The following TMTC2 variants were observed in gnomAD, a reference collection of about 807,000 sequenced individuals.
The protein encoded by TMTC2 is transmembrane O-mannosyltransferase targeting cadherins 2.
A neutral mutation model predicts 82.4 loss-of-function variants in TMTC2; 43 were observed. The observed-to-expected ratio is 0.52, with a 90% CI of 0.41 to 0.67. TMTC2 has a LOEUF of 0.67. Ranked by LOEUF, TMTC2 falls within the 30% of genes least tolerant of loss-of-function variation. The pLI is 0.00. For synonymous variants in TMTC2, 408 were observed against 381.9 expected, an observed-to-expected ratio of 1.07 and a Z score of -0.80; for missense variants, 919 against 1,012.4, an observed-to-expected ratio of 0.91 and a Z score of 1.25.
chr12:82,826,817 C>T (rs1187338071), intron 1 of TMTC2, among the ~76,000 whole-genome samples: 1 of 152,180 alleles, frequency 6.6e-6, no homozygotes, highest in Non-Finnish European at 1.5e-5. Context: ...CTGTGAGAAC[C>T]TTTCCAGCCC....
intron 4 of TMTC2, among the ~76,000 whole-genome samples, chr12:82,943,589 A>G (rs973942849): frequency 1.3e-5 from 2 of 152,174 alleles, no homozygotes; most frequent in Non-Finnish European, 1.5e-5. Context: ...TTTAGCTCTC[A>G]AGGTGAAATT....
chr12:83,059,887 A>C (rs1248119836), intron 10 of TMTC2, among the ~76,000 whole-genome samples: 3 of 151,790 alleles, frequency 2.0e-5, no homozygotes, highest in Non-Finnish European at 4.4e-5. Flanking sequence ...ACTTCAAAGT[A>C]ACTGACTTCT....
At chr12:83,093,486 A>G (rs149571058) in intron 11 of TMTC2, among the ~76,000 whole-genome samples, 21 of 152,276 alleles carry the variant, frequency 1.4e-4, no homozygotes, top group Non-Finnish European at 2.5e-4. Flanking sequence ...TGTACAAAAT[A>G]GGCAATAAAA....
In TMTC2 at chr12:82,991,485, C is replaced by G. The variant is rs372080495; in HGVS notation, c.2070+5439C>G. ...TAAGACTTCAGTTTTAGGCTACTGACAATTTTATATCCTACATTATACTTC... is the reference window on the plus strand; with the variant it reads ...TAAGACTTCAGTTTTAGGCTACTGAGAATTTTATATCCTACATTATACTTC... On this transcript the variant is annotated intron_variant, in intron 8 of 11. Transcript: ENST00000321196. 3.9e-4 allele frequency among the ~76,000 whole-genome samples: 59 copies of G among 152,266 alleles called. 1 individual carries two copies. In the South Asian group the frequency reaches 0.012, roughly 32 times the overall value.
chr12:83,120,478 G>T (rs1418945319), intron 11 of TMTC2, among the ~76,000 whole-genome samples: 1 of 152,158 alleles, frequency 6.6e-6, no homozygotes, highest in East Asian at 1.9e-4. Context: ...TAAAGCTAGG[G>T]CCCCAAGCCC....
chr12:83,021,121 G>A (rs11115527), intron 8 of TMTC2, among the ~76,000 whole-genome samples: 135,751 of 152,234 alleles, frequency 0.89, 60,547 homozygotes, highest in South Asian at 0.96. Context: ...AAATGTAAGT[G>A]GGTAAGTTTT....
chr12:82,960,678 A>G (rs1438748106), intron 4 of TMTC2, among the ~76,000 whole-genome samples: 2 of 151,914 alleles, frequency 1.3e-5, no homozygotes, highest in Non-Finnish European at 2.9e-5. Flanking sequence ...AAAATTAACT[A>G]AGTGGTACTA....
chr12:82,840,912 C>T (rs1288480331), intron 1 of TMTC2, among the ~76,000 whole-genome samples: 1 of 151,914 alleles, frequency 6.6e-6, no homozygotes, highest in Admixed American at 6.6e-5. Flanking sequence ...CCTGAGTAGC[C>T]GGGATTACAG....
chr12:82,964,417 G>T (rs190349841), intron 4 of TMTC2, among the ~76,000 whole-genome samples: 195 of 152,186 alleles, frequency 1.3e-3, no homozygotes, highest in Middle Eastern at 0.01. Context: ...ACTGAAATTT[G>T]CATAGTGTTC....
intron 1 of TMTC2, among the ~76,000 whole-genome samples, chr12:82,708,895 TG>T (rs1336538189): frequency 2.0e-5 from 3 of 152,204 alleles, no homozygotes; most frequent in African/African-American, 7.2e-5. Flanking sequence ...GGTATTCTTC[TG>T]GTATCCATTT....
At chr12:82,870,278 G>A (rs1407193859) in intron 2 of TMTC2, among the ~76,000 whole-genome samples, 2 of 151,942 alleles carry the variant, frequency 1.3e-5, no homozygotes, top group Non-Finnish European at 2.9e-5. Context: ...CTCCTTATTT[G>A]CATTTTGTCA....
intron 1 of TMTC2, among the ~76,000 whole-genome samples, chr12:82,689,862 A>C (rs1272834969): frequency 6.6e-6 from 1 of 152,214 alleles, no homozygotes; most frequent in East Asian, 1.9e-4. Flanking sequence ...ATGTCTAGAT[A>C]GTATATATTG....
intron 4 of TMTC2, among the ~76,000 whole-genome samples, chr12:82,941,671 C>T (rs975239359): frequency 3.5e-4 from 53 of 152,144 alleles, no homozygotes; most frequent in African/African-American, 1.2e-3. Flanking sequence ...TCATTGTCCA[C>T]AAAGCATAAA....
chr12:83,106,359 C>T (rs1359898893), intron 11 of TMTC2, among the ~76,000 whole-genome samples: 5 of 151,802 alleles, frequency 3.3e-5, no homozygotes, highest in African/African-American at 4.8e-5. Flanking sequence ...ATTGGCTGGG[C>T]GTGGTGGTGC....
intron 2 of TMTC2, among the ~76,000 whole-genome samples, chr12:82,866,089 AC>A (rs1292828992): frequency 6.6e-6 from 1 of 152,116 alleles, no homozygotes; most frequent in Non-Finnish European, 1.5e-5. Flanking sequence ...CCCTAACATC[AC>A]AATTAAAAGA....
chr12:83,115,441 CT>C (rs1300829287), intron 11 of TMTC2, among the ~76,000 whole-genome samples: 5 of 152,126 alleles, frequency 3.3e-5, no homozygotes, highest in African/African-American at 4.8e-5. Context: ...TTCTAAATTT[CT>C]TAAATTCTAC....
At chr12:82,714,726 A>G (rs183618739) in intron 1 of TMTC2, among the ~76,000 whole-genome samples, 1 of 152,182 alleles carries the variant, frequency 6.6e-6, no homozygotes, top group African/African-American at 2.4e-5. Flanking sequence ...AAGGATAATT[A>G]AAATGTTGTC....
chr12:83,033,934 G>T (rs1881559049), intron 9 of TMTC2, among the ~76,000 whole-genome samples: 1 of 148,638 alleles, frequency 6.7e-6, no homozygotes, highest in Non-Finnish European at 1.5e-5. Flanking sequence ...GGTTTTTGTG[G>T]TTTTATTTTT....
chr12:82,933,677 C>T (rs1017823225), intron 4 of TMTC2, among the ~76,000 whole-genome samples: 1 of 152,096 alleles, frequency 6.6e-6, no homozygotes, highest in Admixed American at 6.6e-5. Flanking sequence ...TATTAATTGG[C>T]GTGGAATACC....
Sources: allele counts gnomAD v4.1 joint callset (sites outside exome capture counted in the v4.1 genomes callset), GRCh38; gene constraint gnomAD v4.1.1; transcripts MANE v1.5; gene names NCBI Gene and HGNC (gene_info 2026-07-23, HGNC 2026-07-21).